The following GRIK4 variants were observed in gnomAD, a reference collection of about 807,000 sequenced individuals.
GRIK4 encodes glutamate ionotropic receptor kainate type subunit 4.
Under a neutral mutation model 104.9 loss-of-function variants are expected in GRIK4, and 40 were observed. That is an observed-to-expected ratio of 0.38 (90% confidence interval 0.30 to 0.50). The LOEUF (loss-of-function observed/expected upper bound fraction) is 0.50. Ranked by LOEUF, GRIK4 falls within the 20% of genes least tolerant of loss-of-function variation. The pLI is 0.93. For missense variants in GRIK4, 1,047 were observed against 1,308.1 expected (o/e 0.80, Z 3.08); for synonymous variants, 485 against 524.9 (o/e 0.92, Z 1.04).
At chr11:120,744,877 A>G (rs1358503650) in intron 3 of GRIK4, among the ~76,000 whole-genome samples, 1 of 152,196 alleles carries the variant, frequency 6.6e-6, no homozygotes, top group Non-Finnish European at 1.5e-5. Flanking sequence ...TCAAAATGTG[A>G]GGTTTCAAGG....
chr11:120,604,207 G>GC (rs1329367970), intron 1 of GRIK4, among the ~76,000 whole-genome samples: 6 of 135,628 alleles, frequency 4.4e-5, no homozygotes, highest in Non-Finnish European at 3.2e-5. Flanking sequence ...AGAATGATCT[G>GC]CCCCCCTTCG....
At chr11:120,847,931 A>G (rs1953889355) in intron 8 of GRIK4, among the ~76,000 whole-genome samples, 1 of 152,238 alleles carries the variant, frequency 6.6e-6, no homozygotes, top group Non-Finnish European at 1.5e-5. Flanking sequence ...AAGAGAATGG[A>G]AACCAGAGCT....
intron 1 of GRIK4, among the ~76,000 whole-genome samples, chr11:120,598,936 G>A (rs887798925): frequency 8.5e-5 from 13 of 152,216 alleles, no homozygotes; most frequent in Non-Finnish European, 1.5e-4. Flanking sequence ...ATGGATAATG[G>A]ACTCCTTCTC....
intron 6 of GRIK4, among the ~76,000 whole-genome samples, chr11:120,828,435 T>C (rs959389213): frequency 4.0e-5 from 6 of 151,874 alleles, no homozygotes; most frequent in African/African-American, 1.5e-4. Flanking sequence ...AGGGAGGAGA[T>C]GGGGTAAAGG....
intron 3 of GRIK4, among the ~76,000 whole-genome samples, chr11:120,687,583 G>C (rs1194964274): frequency 6.6e-6 from 1 of 152,092 alleles, no homozygotes; most frequent in East Asian, 1.9e-4. Flanking sequence ...CCTGTAGTTG[G>C]ATCTGCCTAA....
At chr11:120,881,023 T>C (rs1315777573) in intron 11 of GRIK4, among the ~76,000 whole-genome samples, 1 of 152,176 alleles carries the variant, frequency 6.6e-6, no homozygotes, top group Non-Finnish European at 1.5e-5. Flanking sequence ...CTTCCATTTT[T>C]TCCTTTCTCA....
intron 1 of GRIK4, among the ~76,000 whole-genome samples, chr11:120,603,037 G>A (rs1465827368): frequency 6.6e-6 from 1 of 152,202 alleles, no homozygotes; most frequent in African/African-American, 2.4e-5. Flanking sequence ...TAGATCTGAC[G>A]ATACAGGCCT....
chr11:120,874,218 G>T lies in GRIK4; in HGVS notation c.1059G>T (p.Met353Ile). 1 of 1,609,152 alleles carries T rather than the reference G, an allele frequency of 6.2e-7. No individual in the cohort carries two copies. The highest frequency in any genetic ancestry group is 2.2e-5 in the East Asian group (1 of 44,778). ...HGTSLMNYLR[M>I]VELEGLTGHI... ...CCAGCCTCATGAACTACCTGCGCAT[G>T]GTGAGGAGCGGCTGAGGCCCTGCAG... The change falls in exon 10 of 21, where the codon ATG becomes ATT. Residue 353 changes from methionine to isoleucine, a missense_variant and splice_region_variant. Met to Ile is a conservative substitution (Grantham distance 10, BLOSUM62 1). This residue lies in a region of GRIK4 where 447 missense variants were observed against 514.9 expected (regional missense o/e 0.87). Transcript: ENST00000527524.
chr11:120,808,079 G>A (rs79304658), intron 4 of GRIK4, among the ~76,000 whole-genome samples: 2,913 of 152,304 alleles, frequency 0.019, 27 homozygotes, highest in Non-Finnish European at 0.027. Context: ...AATAGCATGA[G>A]CAAAGGCTTA....
At chr11:120,683,407 G>T (rs112579432) in intron 3 of GRIK4, among the ~76,000 whole-genome samples, 15 of 152,194 alleles carry the variant, frequency 9.9e-5, no homozygotes, top group African/African-American at 3.6e-4. Context: ...GGGTAGGGGC[G>T]GGGAGATCAA....
chr11:120,752,368 C>G (rs555293234), intron 3 of GRIK4, among the ~76,000 whole-genome samples: 48 of 152,212 alleles, frequency 3.2e-4, no homozygotes, highest in African/African-American at 1.1e-3. Context: ...GTCAGCAGAG[C>G]CCCCCCATGA....
chr11:120,702,894 A>G (rs1591818334), intron 3 of GRIK4, among the ~76,000 whole-genome samples: 1 of 152,378 alleles, frequency 6.6e-6, no homozygotes, highest in African/African-American at 2.4e-5. Flanking sequence ...AAAAGAAAAA[A>G]GGAAGTTACC....
At chr11:120,716,908 C>T (rs527894468) in intron 3 of GRIK4, among the ~76,000 whole-genome samples, 49 of 152,262 alleles carry the variant, frequency 3.2e-4, no homozygotes, top group African/African-American at 1.2e-3. Context: ...CAGCTCAGGG[C>T]CCTGGTAATA....
At chr11:120,937,045 G>A (rs1943612642) in intron 13 of GRIK4, among the ~76,000 whole-genome samples, 1 of 151,638 alleles carries the variant, frequency 6.6e-6, no homozygotes, top group Non-Finnish European at 1.5e-5. Context: ...TCTTTTTTTT[G>A]TTTTGTTTTT....
intron 3 of GRIK4, among the ~76,000 whole-genome samples, chr11:120,784,901 T>G (rs771167762): frequency 7.2e-5 from 11 of 152,098 alleles, no homozygotes; most frequent in Non-Finnish European, 1.0e-4. Flanking sequence ...TCTACCCCAC[T>G]GGTGCCTGGC....
intron 1 of GRIK4, chr11:120,576,256 T>G (rs1948482490): frequency 6.6e-6 from 1 of 152,208 alleles, no homozygotes; most frequent in African/African-American, 2.4e-5. Context: ...CTCCTATTAT[T>G]TCAGGGAGAT....
Position 120,831,949 on chromosome 11 carries a change from C to T in GRIK4, c.609C>T (p.Leu203=). The part of the protein sequence containing the change: ...MLDDTRDPTP[L]LKEIRDDKTA... ...ATGACACCCGGGACCCCACCCCGCT[C>T]CTCAAGGAGATCCGGGACGACAAGA... is the stretch of plus-strand genomic sequence containing the variant. Residue 203 remains leucine, a synonymous_variant, in exon 7 of 21, where the codon CTC becomes CTT. Coordinates refer to ENST00000527524, the MANE Select transcript of GRIK4 (RefSeq NM_014619.5). 2 of 1,613,980 alleles carry T rather than the reference C, an allele frequency of 1.2e-6. No homozygotes were observed. Among genetic ancestry groups the T allele is most frequent in the Non-Finnish European group, 1.7e-6 (2 of 1,179,924 alleles).
rs756289962 is a variant in GRIK4, at chr11:120,819,829, C to T, written c.420C>T (p.His140=). Reference sequence around the variant, plus strand: ...AGAGATTCACAACCCTGAACCTCCACCCCAGCAACACTGACATCAGCGTGG... The same window carrying T: ...AGAGATTCACAACCCTGAACCTCCATCCCAGCAACACTGACATCAGCGTGG... ...QFQRFTTLNL[H]PSNTDISVAV... Residue 140 remains histidine, a synonymous_variant, in exon 6 of 21, where the codon CAC becomes CAT. Coordinates refer to ENST00000527524, the MANE Select transcript of GRIK4 (RefSeq NM_014619.5). This position sits in a 1 kb window ranked among gnomAD's most constrained non-coding sequence, Gnocchi z 4.3. The T allele has an allele frequency of 6.2e-7, 1 of 1,614,034 alleles. No individual in the cohort carries two copies. Among genetic ancestry groups the T allele is most frequent in the South Asian group, 1.1e-5 (1 of 91,078 alleles).
At chr11:120,573,901 C>G (rs1041542107) in intron 1 of GRIK4, among the ~76,000 whole-genome samples, 1 of 152,214 alleles carries the variant, frequency 6.6e-6, no homozygotes, top group Non-Finnish European at 1.5e-5. Context: ...CTGAGCTTGG[C>G]TGCAGCAAGG....
Sources: allele counts gnomAD v4.1 joint callset (sites outside exome capture counted in the v4.1 genomes callset), GRCh38; gene constraint gnomAD v4.1.1; regional missense constraint gnomAD v4.1.1; non-coding constraint Gnocchi (gnomAD v3.1); transcripts MANE v1.5; gene names NCBI Gene and HGNC (gene_info 2026-07-23, HGNC 2026-07-21).